Variants in GRID2 observed in about 807,000 individuals in gnomAD.
GRID2 encodes the protein glutamate ionotropic receptor delta type subunit 2.
A neutral mutation model predicts 114.8 loss-of-function variants in GRID2; 33 were observed. The observed-to-expected ratio is 0.29, with a 90% CI of 0.22 to 0.38. GRID2 has a LOEUF of 0.38. Among genes scored for constraint, GRID2 ranks in the 10% least tolerant of loss-of-function variants. The pLI, the probability that GRID2 is intolerant of heterozygous loss-of-function variation, is 1.00. For missense variants in GRID2, 1,184 were observed against 1,257.7 expected (o/e 0.94, Z 0.89); for synonymous variants, 505 against 449.9 (o/e 1.12, Z -1.55).
At chr4:93,734,271 T>G (rs1730736416) in intron 14 of GRID2, among the ~76,000 whole-genome samples, 1 of 152,076 alleles carries the variant, frequency 6.6e-6, no homozygotes. Context: ...CCATCATTCC[T>G]AATTCTCACT....
At chr4:93,332,293 TGTGTGTGA>T (rs1381341185) in intron 8 of GRID2, among the ~76,000 whole-genome samples, 23 of 114,766 alleles carry the variant, frequency 2.0e-4, no homozygotes, top group African/African-American at 9.3e-4. Context: ...TGTGTGTGTG[TGTGTGTGA>T]GAGAGAGAGA....
intron 1 of GRID2, among the ~76,000 whole-genome samples, chr4:92,545,826 T>A (rs1045283980): frequency 8.5e-5 from 13 of 152,286 alleles, no homozygotes; most frequent in African/African-American, 3.1e-4. Context: ...CAGATTTTTC[T>A]TCCTCCAAAG....
intron 2 of GRID2, among the ~76,000 whole-genome samples, chr4:92,865,639 A>G (rs936014546): frequency 2.6e-5 from 4 of 152,200 alleles, no homozygotes; most frequent in African/African-American, 7.2e-5. Flanking sequence ...TTGTGACTCA[A>G]TTCACTCACA....
chr4:92,479,435 A>T (rs528741171), intron 1 of GRID2, among the ~76,000 whole-genome samples: 1 of 152,214 alleles, frequency 6.6e-6, no homozygotes, highest in South Asian at 2.1e-4. Context: ...GTTTTACAAA[A>T]TGTGTTTATT....
intron 1 of GRID2, among the ~76,000 whole-genome samples, chr4:93,801,238 C>G (rs570145785): frequency 6.6e-6 from 1 of 152,102 alleles, no homozygotes; most frequent in African/African-American, 2.4e-5. Flanking sequence ...TTAAGTTTCC[C>G]TTTTCAGTTT....
chr4:92,703,638 TATATATAA>T (rs1337886312), intron 2 of GRID2, among the ~76,000 whole-genome samples: 2 of 134,928 alleles, frequency 1.5e-5, no homozygotes, highest in Non-Finnish European at 3.2e-5. Context: ...TATATATATA[TATATATAA>T]AATCATGAGA....
chr4:92,743,411 A>G (rs935834890), intron 2 of GRID2, among the ~76,000 whole-genome samples: 1 of 152,182 alleles, frequency 6.6e-6, no homozygotes, highest in East Asian at 1.9e-4. Context: ...TGATTTGTAG[A>G]AACTCTCACT....
chr4:92,312,799 A>G (rs1725772917), intron 1 of GRID2, among the ~76,000 whole-genome samples: 1 of 152,050 alleles, frequency 6.6e-6, no homozygotes, highest in South Asian at 2.1e-4. Context: ...AGATGTTGGC[A>G]TGGATGTGGC....
intron 2 of GRID2, among the ~76,000 whole-genome samples, chr4:92,978,525 G>A (rs1333142239): frequency 5.3e-5 from 8 of 151,658 alleles, no homozygotes; most frequent in Admixed American, 4.6e-4. Context: ...CTTTTCTCAG[G>A]TTATCCTGTT....
At chr4:92,576,956 G>T (rs1727924767) in intron 1 of GRID2, among the ~76,000 whole-genome samples, 1 of 151,982 alleles carries the variant, frequency 6.6e-6, no homozygotes, top group Non-Finnish European at 1.5e-5. Flanking sequence ...ATTTCCAAAG[G>T]TACCTTGATT....
intron 2 of GRID2, among the ~76,000 whole-genome samples, chr4:92,642,214 T>A (rs757367102): frequency 8.6e-5 from 13 of 151,690 alleles, no homozygotes; most frequent in Non-Finnish European, 1.5e-4. Flanking sequence ...CTTTGAGAAA[T>A]CTCCAAATTG....
intron 2 of GRID2, among the ~76,000 whole-genome samples, chr4:92,800,669 C>T (rs376139050): frequency 2.0e-5 from 3 of 151,816 alleles, no homozygotes; most frequent in African/African-American, 7.2e-5. Flanking sequence ...CATAATAGGA[C>T]GATCTTCAAC....
intron 1 of GRID2, among the ~76,000 whole-genome samples, chr4:92,522,416 C>G (rs1311162434): frequency 2.6e-5 from 4 of 151,926 alleles, no homozygotes; most frequent in Non-Finnish European, 5.9e-5. Flanking sequence ...CTGAGTCAAA[C>G]AGAAAATCAC....
chr4:93,297,040 T>C (rs1210828020), intron 8 of GRID2, among the ~76,000 whole-genome samples: 1 of 152,216 alleles, frequency 6.6e-6, no homozygotes, highest in African/African-American at 2.4e-5. Flanking sequence ...CTTTATTTGC[T>C]TTCCAAATCA....
chr4:92,927,664 A>T (rs1021864360), intron 2 of GRID2, among the ~76,000 whole-genome samples: 1 of 151,796 alleles, frequency 6.6e-6, no homozygotes, highest in Non-Finnish European at 1.5e-5. Context: ...TACAGATTTG[A>T]GATCCTTTAT....
chr4:93,013,823 T>C (rs1722418438), intron 2 of GRID2, among the ~76,000 whole-genome samples: 1 of 151,876 alleles, frequency 6.6e-6, no homozygotes, highest in Non-Finnish European at 1.5e-5. Context: ...TCTCACATAT[T>C]CATTTATTTT....
intron 8 of GRID2, among the ~76,000 whole-genome samples, chr4:93,296,312 A>G (rs1189052576): frequency 1.7e-5 from 2 of 118,948 alleles, no homozygotes; most frequent in South Asian, 3.0e-4. Flanking sequence ...CCCACCCCAC[A>G]GATAATCCAA....
chr4:93,096,062 C>A (rs562560920), intron 3 of GRID2, among the ~76,000 whole-genome samples: 2 of 152,060 alleles, frequency 1.3e-5, no homozygotes, highest in Admixed American at 1.3e-4. Flanking sequence ...CAGAAATCAA[C>A]CCACAGGCAT....
chr4:92,509,824 C>CA (rs2149130548), intron 1 of GRID2, among the ~76,000 whole-genome samples: 1 of 151,930 alleles, frequency 6.6e-6, no homozygotes, highest in South Asian at 2.1e-4. Context: ...GTAGGAACAC[C>CA]AAAAGCCCAG....
Sources: gnomAD v4.1 joint callset for allele counts (sites outside exome capture counted in the v4.1 genomes callset) on GRCh38, gnomAD v4.1.1 for gene constraint, MANE v1.5 for transcripts, NCBI Gene and HGNC (gene_info 2026-07-23, HGNC 2026-07-21) for gene names.